The following MACROD2 variants were observed in gnomAD, a reference collection of about 807,000 sequenced individuals.
The protein encoded by MACROD2 is mono-ADP ribosylhydrolase 2.
MACROD2 carries 36 observed loss-of-function variants against 70.4 expected under a neutral mutation model. The ratio of observed to expected loss-of-function variants is 0.51; its 90% CI spans 0.39 to 0.68. The LOEUF is 0.68. Among genes scored for constraint, MACROD2 ranks in the 30% least tolerant of loss-of-function variants. The pLI is 0.00. For missense variants in MACROD2, 496 were observed against 538.4 expected, an observed-to-expected ratio of 0.92 and a Z score of 0.78; for synonymous variants, 172 against 178.8, an observed-to-expected ratio of 0.96 and a Z score of 0.30.
intron 8 of MACROD2, among the ~76,000 whole-genome samples, chr20:15,751,312 G>C (rs1188261965): frequency 6.6e-6 from 1 of 151,934 alleles, no homozygotes; most frequent in African/African-American, 2.4e-5. Context: ...ACAATAACAT[G>C]ATTCAGGTAC....
chr20:15,891,467 C>T (rs951386936), intron 10 of MACROD2, among the ~76,000 whole-genome samples: 3 of 152,162 alleles, frequency 2.0e-5, no homozygotes, highest in Non-Finnish European at 4.4e-5. Flanking sequence ...AAAGCTCACA[C>T]TGGCTGCTGT....
At chr20:15,906,122 T>A (rs1419679601) in intron 10 of MACROD2, among the ~76,000 whole-genome samples, 1 of 152,204 alleles carries the variant, frequency 6.6e-6, no homozygotes, top group Non-Finnish European at 1.5e-5. Flanking sequence ...AGACTGGCTG[T>A]AGAATGTGGA....
chr20:14,405,480 G>A (rs575859734), intron 3 of MACROD2, among the ~76,000 whole-genome samples: 2 of 152,128 alleles, frequency 1.3e-5, no homozygotes, highest in Non-Finnish European at 2.9e-5. Context: ...GAATCTACGG[G>A]AGTCCAGTAG....
intron 4 of MACROD2, among the ~76,000 whole-genome samples, chr20:14,574,008 G>A (rs1036921461): frequency 6.6e-6 from 1 of 152,126 alleles, no homozygotes; most frequent in African/African-American, 2.4e-5. Context: ...AGCACATGAA[G>A]TAGTAGCCTT....
chr20:14,400,303 A>G (rs2083624384), intron 3 of MACROD2, among the ~76,000 whole-genome samples: 1 of 152,128 alleles, frequency 6.6e-6, no homozygotes, highest in African/African-American at 2.4e-5. Flanking sequence ...TTTCCCCACT[A>G]CTGGGTTTAA....
intron 15 of MACROD2, among the ~76,000 whole-genome samples, chr20:16,008,630 C>A (rs1228178468): frequency 1.3e-5 from 2 of 152,168 alleles, no homozygotes; most frequent in African/African-American, 4.8e-5. Context: ...GCACCTACCT[C>A]AGCAGGTTGT....
intron 6 of MACROD2, among the ~76,000 whole-genome samples, chr20:15,405,739 A>T (rs1166445593): frequency 6.6e-6 from 1 of 152,142 alleles, no homozygotes; most frequent in African/African-American, 2.4e-5. Context: ...CCCGACCTTC[A>T]TAGTCAGGTT....
chr20:15,195,397 C>T (rs925519097), intron 5 of MACROD2, among the ~76,000 whole-genome samples: 1 of 152,026 alleles, frequency 6.6e-6, no homozygotes, highest in Non-Finnish European at 1.5e-5. Flanking sequence ...GGAAATAAAA[C>T]AACTCCATTA....
intron 5 of MACROD2, among the ~76,000 whole-genome samples, chr20:15,042,708 G>A (rs528686220): frequency 1.3e-5 from 2 of 152,132 alleles, no homozygotes; most frequent in African/African-American, 2.4e-5. Flanking sequence ...GAAGCTCAGC[G>A]TGCCATAGTT....
chr20:14,580,749 C>A (rs1353764590), intron 4 of MACROD2, among the ~76,000 whole-genome samples: 1 of 152,204 alleles, frequency 6.6e-6, no homozygotes, highest in Non-Finnish European at 1.5e-5. Flanking sequence ...TTGAAGTTAA[C>A]AAGTTTGTGC....
At chr20:15,096,127 G>T (rs1322236457) in intron 5 of MACROD2, among the ~76,000 whole-genome samples, 1 of 152,048 alleles carries the variant, frequency 6.6e-6, no homozygotes, top group Non-Finnish European at 1.5e-5. Context: ...AAAGTTCTGA[G>T]AAATGAAAAG....
intron 5 of MACROD2, among the ~76,000 whole-genome samples, chr20:15,031,553 A>G (rs1053784462): frequency 1.3e-5 from 2 of 152,160 alleles, no homozygotes; most frequent in African/African-American, 4.8e-5. Context: ...ATAAGCGGCT[A>G]GCGTTCAGCA....
intron 6 of MACROD2, among the ~76,000 whole-genome samples, chr20:15,389,734 G>A (rs957553340): frequency 6.6e-6 from 1 of 152,130 alleles, no homozygotes; most frequent in Admixed American, 6.5e-5. Flanking sequence ...TTGATGATAA[G>A]GTATTAAGAA....
chr20:15,007,864 G>C (rs2122923603), intron 5 of MACROD2, among the ~76,000 whole-genome samples: 1 of 152,322 alleles, frequency 6.6e-6, no homozygotes, highest in East Asian at 1.9e-4. Flanking sequence ...ATCCAAAACA[G>C]CCAAGAGTTT....
At chr20:14,339,172 T>A (rs887181471) in intron 3 of MACROD2, among the ~76,000 whole-genome samples, 1 of 152,210 alleles carries the variant, frequency 6.6e-6, no homozygotes, top group Non-Finnish European at 1.5e-5. Context: ...CTTCCAAGAA[T>A]GGGTGATATC....
intron 5 of MACROD2, among the ~76,000 whole-genome samples, chr20:14,880,166 T>C (rs1024342082): frequency 6.6e-6 from 1 of 152,136 alleles, no homozygotes; most frequent in Non-Finnish European, 1.5e-5. Context: ...GGATCTGAGA[T>C]AGAAGTGAGT....
At chr20:14,258,824 A>G (rs1163776094) in intron 3 of MACROD2, among the ~76,000 whole-genome samples, 1 of 152,182 alleles carries the variant, frequency 6.6e-6, no homozygotes, top group East Asian at 1.9e-4. Flanking sequence ...GTTATCTTCT[A>G]GATTCTTTAG....
chr20:15,281,096 G>T (rs2077440107), intron 6 of MACROD2, among the ~76,000 whole-genome samples: 1 of 152,216 alleles, frequency 6.6e-6, no homozygotes, highest in Non-Finnish European at 1.5e-5. Flanking sequence ...GTCAGATCTT[G>T]TGAGAACTCA....
chr20:15,620,460 C>T (rs1425348632), intron 8 of MACROD2, among the ~76,000 whole-genome samples: 1 of 152,158 alleles, frequency 6.6e-6, no homozygotes, highest in Non-Finnish European at 1.5e-5. Flanking sequence ...TGCCCCTTGC[C>T]TCCTGGTCTG....
Sources: allele counts gnomAD v4.1 joint callset (sites outside exome capture counted in the v4.1 genomes callset), GRCh38; gene constraint gnomAD v4.1.1; transcripts MANE v1.5; gene names NCBI Gene and HGNC (gene_info 2026-07-23, HGNC 2026-07-21).